The following CEP112 variants were observed in gnomAD, a reference collection of about 807,000 sequenced individuals.
CEP112 encodes the protein centrosomal protein 112, also known as centrosomal protein of 112 kDa.
In CEP112, 127 loss-of-function variants were observed where a neutral mutation model predicts 153.0. The ratio of observed to expected loss-of-function variants is 0.83; its 90% CI spans 0.72 to 0.96. The LOEUF is 0.96. Among genes scored for constraint, CEP112 ranks in the 40% least tolerant of loss-of-function variants. CEP112 has a pLI of 0.00. For missense variants in CEP112, 1,089 were observed against 1,101.2 expected (o/e 0.99, Z 0.16); for synonymous variants, 358 against 374.4 (o/e 0.96, Z 0.51).
intron 4 of CEP112, among the ~76,000 whole-genome samples, chr17:66,146,034 T>A (rs904764986): frequency 6.6e-6 from 1 of 152,100 alleles, no homozygotes; most frequent in African/African-American, 2.4e-5. Context: ...TTAAGAATTT[T>A]AAAATCTATG....
chr17:66,039,497 T>C (rs2065883769), intron 12 of CEP112, among the ~76,000 whole-genome samples: 1 of 152,094 alleles, frequency 6.6e-6, no homozygotes, highest in South Asian at 2.1e-4. Context: ...AGGACTATTT[T>C]CATAAGAAGT....
intron 2 of CEP112, chr17:66,181,988 G>C (rs2072739817): frequency 6.6e-6 from 1 of 152,200 alleles, no homozygotes. Context: ...AAAGGTTGAA[G>C]GCCCTAGAAC....
At chr17:66,184,224 A>G (rs116066103) in intron 1 of CEP112, among the ~76,000 whole-genome samples, 204 of 152,268 alleles carry the variant, frequency 1.3e-3, no homozygotes, top group African/African-American at 4.7e-3. Flanking sequence ...GCACCACTAA[A>G]CTCTAGCCTC....
intron 18 of CEP112, among the ~76,000 whole-genome samples, chr17:65,933,363 G>A (rs964664572): frequency 6.6e-6 from 1 of 152,156 alleles, no homozygotes; most frequent in African/African-American, 2.4e-5. Flanking sequence ...TCAACCCAAA[G>A]ACAGTTCACG....
At chr17:65,714,158 ATC>A (rs2049361588) in intron 23 of CEP112, among the ~76,000 whole-genome samples, 1 of 152,076 alleles carries the variant, frequency 6.6e-6, no homozygotes, top group African/African-American at 2.4e-5. Flanking sequence ...TCCAAGCATC[ATC>A]TCTCTCCTGT....
Position 65,961,516 on chromosome 17 carries a change from T to G in CEP112, c.1819A>C (p.Lys607Gln), listed in dbSNP as rs752627086. The G allele has an allele frequency of 1.2e-6, 2 of 1,613,648 alleles. No individual in the cohort carries two copies. The highest frequency in any genetic ancestry group is 4.5e-5 in the East Asian group (2 of 44,874). The change falls in exon 18 of 27, where the codon AAG (lysine) becomes CAG (glutamine). Residue 607 changes from lysine to glutamine, a missense_variant. Coordinates refer to ENST00000535342, the MANE Select transcript of CEP112 (RefSeq NM_001199165.4). ...QQADAALEEF[K>Q]RQVELNSEKV... is the part of the protein sequence containing the mutation. ...TCTGAGTTCAGTTCCACCTGCCGCTTAAACTCTTCCAGAGCGGCATCTGCC... is the reference window on the plus strand; with the variant it reads ...TCTGAGTTCAGTTCCACCTGCCGCTGAAACTCTTCCAGAGCGGCATCTGCC...
chr17:65,814,981 CTT>C (rs2056186301), intron 21 of CEP112, among the ~76,000 whole-genome samples: 1 of 151,996 alleles, frequency 6.6e-6, no homozygotes. Context: ...ACTAGTTTGT[CTT>C]TTTATTTTCT....
intron 18 of CEP112, among the ~76,000 whole-genome samples, chr17:65,931,323 A>G (rs11079597): frequency 0.48 from 72,805 of 152,046 alleles, 18,431 homozygotes; most frequent in East Asian, 0.89. Context: ...TTACAGAACT[A>G]ACAAAAGTCA....
intron 23 of CEP112, 61 bp from the exon 24 acceptor site, chr17:65,689,279 C>T: frequency 1.6e-6 from 2 of 1,228,790 alleles, no homozygotes; most frequent in Non-Finnish European, 2.4e-6. Flanking sequence ...AATAGTTCTA[C>T]ACCATGAACT....
rs573891492 is a variant in CEP112 at position 66,045,896 on chromosome 17, A to G, written c.1218+7840T>C. On this transcript the variant is annotated intron_variant, in intron 12 of 26. Transcript: ENST00000535342. ...TTTCTATAACTATACAAAGACATAA[A>G]TTGCCTATTTCACTATCATTTCCTC... Among the ~76,000 whole-genome samples, 132 of 152,100 alleles carry G rather than the reference A, an allele frequency of 8.7e-4. 3 individuals carry two copies. In the South Asian group the frequency reaches 8.7e-3, roughly 10 times the overall value.
intron 12 of CEP112, among the ~76,000 whole-genome samples, chr17:66,033,415 C>T (rs945652465): frequency 7.9e-5 from 12 of 152,182 alleles, no homozygotes; most frequent in South Asian, 6.2e-4. Flanking sequence ...CCTCCAATGG[C>T]TTCTCTTATC....
intron 21 of CEP112, among the ~76,000 whole-genome samples, chr17:65,840,066 A>G (rs985133139): frequency 6.6e-6 from 1 of 152,124 alleles, no homozygotes; most frequent in African/African-American, 2.4e-5. Context: ...AGAATTAACA[A>G]TGATAAAATG....
At chr17:65,955,560 A>G (rs2061974270) in intron 18 of CEP112, among the ~76,000 whole-genome samples, 1 of 152,226 alleles carries the variant, frequency 6.6e-6, no homozygotes, top group South Asian at 2.1e-4. Context: ...AGAATGGCAG[A>G]ATCGATAAGA....
In CEP112 at chr17:65,670,011, A is replaced by C. The variant is rs1353646214; in HGVS notation, c.2697+19118T>G. The stretch of plus-strand genomic sequence containing the variant: ...CTTGGCTATGAGCTCCTTCAGGAAA[A>C]AGACTCTCTTATTTATCTTACAGTC... On this transcript the variant is annotated intron_variant, in intron 24 of 26. Coordinates refer to ENST00000535342, the MANE Select transcript of CEP112 (RefSeq NM_001199165.4). Among the ~76,000 whole-genome samples, 3 of 152,118 alleles carry C rather than the reference A, an allele frequency of 2.0e-5. No individual in the cohort carries two copies. The East Asian group carries it at 5.8e-4, about 29-fold the overall frequency.
At chr17:66,153,422 T>C (rs1403159634) in intron 4 of CEP112, among the ~76,000 whole-genome samples, 2 of 136,946 alleles carry the variant, frequency 1.5e-5, no homozygotes, top group Non-Finnish European at 3.1e-5. Context: ...GTGGAAGAAC[T>C]AGATACATAG....
rs56221578 is a variant in CEP112 at position 66,132,168 on chromosome 17, CAAAAAAAAAAAAAAAAAAAA to C, written c.564+482_564+501del. Among the ~76,000 whole-genome samples the C allele has an allele frequency of 4.9e-3, 197 of 39,880 alleles. 1 individual carries two copies. Among genetic ancestry groups the C allele is most frequent in the African/African-American group, 0.025 (181 of 7,130 alleles). 26.2% of individuals were successfully genotyped at this position (39,880 alleles called of 152,430 possible). ...CCTGGGCAACAGTGAGACTCCATCT[CAAAAAAAAAAAAAAAAAAAA>C]AAAAAAAAAAAAAAAAGCTAACTGG... On this transcript the variant is annotated intron_variant, in intron 5 of 26. Transcript: ENST00000535342.
chr17:66,149,760 T>TAA (rs1297343116), intron 4 of CEP112, among the ~76,000 whole-genome samples: 1 of 151,926 alleles, frequency 6.6e-6, no homozygotes. Flanking sequence ...ACCCAACTCT[T>TAA]AGTTTCATTT....
intron 23 of CEP112, among the ~76,000 whole-genome samples, chr17:65,727,115 C>A (rs1195234269): frequency 6.6e-6 from 1 of 152,196 alleles, no homozygotes; most frequent in East Asian, 1.9e-4. Context: ...AAATGGGGCA[C>A]GAGCCTGCTG....
chr17:65,754,247 C>T (rs1276464723), intron 21 of CEP112, among the ~76,000 whole-genome samples: 1 of 152,184 alleles, frequency 6.6e-6, no homozygotes, highest in Non-Finnish European at 1.5e-5. Context: ...TCTAGGGAAA[C>T]AGCATTCCAG....
Sources: allele counts gnomAD v4.1 joint callset (sites outside exome capture counted in the v4.1 genomes callset), GRCh38; gene constraint gnomAD v4.1.1; transcripts MANE v1.5; gene names NCBI Gene and HGNC (gene_info 2026-07-23, HGNC 2026-07-21).